Variants in PTPRD observed in about 807,000 individuals in gnomAD.
PTPRD encodes receptor-type tyrosine-protein phosphatase delta.
Under a neutral mutation model 214.5 loss-of-function variants are expected in PTPRD, and 34 were observed. The observed-to-expected ratio is 0.16, with a 90% CI of 0.12 to 0.21. The LOEUF (loss-of-function observed/expected upper bound fraction) is 0.21, where lower values mean the gene tolerates loss of function less well. Among genes scored for constraint, PTPRD ranks in the 10% least tolerant of loss-of-function variants. The pLI is 1.00. For synonymous variants in PTPRD, 1,128 were observed against 845.7 expected, an observed-to-expected ratio of 1.33 and a Z score of -5.79; for missense variants, 2,545 against 2,398.7, an observed-to-expected ratio of 1.06 and a Z score of -1.27.
chr9:8,406,235 C>T (rs1326183895), intron 35 of PTPRD, among the ~76,000 whole-genome samples: 3 of 152,006 alleles, frequency 2.0e-5, no homozygotes, highest in Admixed American at 6.6e-5. Context: ...TGCTATGAGC[C>T]GAAGGTATTG....
chr9:9,406,038 T>A (rs577751764), intron 8 of PTPRD, among the ~76,000 whole-genome samples: 1 of 152,104 alleles, frequency 6.6e-6, no homozygotes, highest in East Asian at 1.9e-4. Flanking sequence ...TAACTTTGGT[T>A]TGGAATATGA....
chr9:8,770,299 T>A (rs964315031), intron 11 of PTPRD, among the ~76,000 whole-genome samples: 3 of 148,402 alleles, frequency 2.0e-5, no homozygotes, highest in Non-Finnish European at 4.5e-5. Context: ...AATAAATAAA[T>A]AGAAAGAAAG....
rs908572969 is a variant in PTPRD at position 10,198,488 on chromosome 9, G to A, written c.-545+142475C>T. ...AGTTGTAATGATTGCCTGAAGAGGCGGGTCAAAAAAAGATTCACAGGACAT... is the reference window on the plus strand; with the variant it reads ...AGTTGTAATGATTGCCTGAAGAGGCAGGTCAAAAAAAGATTCACAGGACAT... On this transcript the variant is annotated intron_variant, in intron 3 of 45. Transcript: ENST00000381196. Among the ~76,000 whole-genome samples, 15 of 152,038 alleles carry A rather than the reference G, an allele frequency of 9.9e-5. No individual in the cohort carries two copies. The South Asian group carries it at 1.0e-3, about 10-fold the overall frequency.
chr9:9,793,507 G>C (rs1336662828), intron 5 of PTPRD, among the ~76,000 whole-genome samples: 2 of 152,084 alleles, frequency 1.3e-5, no homozygotes, highest in Non-Finnish European at 2.9e-5. Flanking sequence ...CGGACAGATA[G>C]ATATGTACGT....
intron 8 of PTPRD, among the ~76,000 whole-genome samples, chr9:9,530,566 T>C (rs2154263588): frequency 6.6e-6 from 1 of 152,260 alleles, no homozygotes; most frequent in South Asian, 2.1e-4. Flanking sequence ...TTTCAGAGAC[T>C]CTGCATCCCA....
intron 12 of PTPRD, among the ~76,000 whole-genome samples, chr9:8,663,121 T>C (rs958774787): frequency 1.3e-5 from 2 of 152,172 alleles, no homozygotes; most frequent in Non-Finnish European, 2.9e-5. Context: ...ATTGAGCTTT[T>C]GAAACTGACT....
chr9:9,948,352 T>C (rs898928113), intron 4 of PTPRD, among the ~76,000 whole-genome samples: 1 of 152,086 alleles, frequency 6.6e-6, no homozygotes, highest in African/African-American at 2.4e-5. Flanking sequence ...GGGATGTGTA[T>C]TCCTTATTGC....
chr9:8,585,313 G>C (rs1285843620), intron 14 of PTPRD, among the ~76,000 whole-genome samples: 1 of 152,130 alleles, frequency 6.6e-6, no homozygotes, highest in East Asian at 1.9e-4. Context: ...TTTATAAAAA[G>C]AACAGGAAAT....
chr9:8,542,832 AC>A (rs1158892720), intron 14 of PTPRD, among the ~76,000 whole-genome samples: 1 of 152,190 alleles, frequency 6.6e-6, no homozygotes, highest in Non-Finnish European at 1.5e-5. Context: ...CTACAGACGC[AC>A]CAGAAGTTCC....
chr9:9,021,996 A>G (rs1193541178), intron 10 of PTPRD, among the ~76,000 whole-genome samples: 1 of 151,974 alleles, frequency 6.6e-6, no homozygotes, highest in Admixed American at 6.6e-5. Context: ...AAGGGGAGGG[A>G]GAACATTAAG....
At chr9:10,488,121 A>G (rs1013773366) in intron 2 of PTPRD, among the ~76,000 whole-genome samples, 3 of 151,686 alleles carry the variant, frequency 2.0e-5, no homozygotes, top group African/African-American at 7.3e-5. Context: ...TAATCCTAGC[A>G]CTTTGGGAGC....
intron 8 of PTPRD, among the ~76,000 whole-genome samples, chr9:9,513,836 C>G (rs1022871338): frequency 6.6e-6 from 1 of 152,012 alleles, no homozygotes; most frequent in African/African-American, 2.4e-5. Flanking sequence ...AATCAAATAT[C>G]ACCTGCTGGT....
At chr9:8,764,811 A>AATG (rs1311465298) in intron 11 of PTPRD, among the ~76,000 whole-genome samples, 1 of 29,002 alleles carries the variant, frequency 3.4e-5, no homozygotes, top group Non-Finnish European at 9.3e-5. Flanking sequence ...TAATAATGAT[A>AATG]ATAATAATAA....
At chr9:10,035,192 C>T (rs2154135762) in intron 3 of PTPRD, among the ~76,000 whole-genome samples, 1 of 152,196 alleles carries the variant, frequency 6.6e-6, no homozygotes, top group East Asian at 1.9e-4. Context: ...TTGCATTTCT[C>T]TAATGATCAA....
intron 3 of PTPRD, among the ~76,000 whole-genome samples, chr9:10,302,927 G>A (rs923923613): frequency 2.6e-5 from 4 of 152,096 alleles, no homozygotes; most frequent in African/African-American, 9.7e-5. Context: ...GACATCAATA[G>A]AACTCTCCAC....
At chr9:8,608,624 C>G (rs1595145498) in intron 14 of PTPRD, among the ~76,000 whole-genome samples, 1 of 152,064 alleles carries the variant, frequency 6.6e-6, no homozygotes, top group Non-Finnish European at 1.5e-5. Flanking sequence ...TAACTGTCCA[C>G]ATATATCAAA....
At chr9:10,506,170 G>A (rs1341185222) in intron 2 of PTPRD, among the ~76,000 whole-genome samples, 2 of 151,896 alleles carry the variant, frequency 1.3e-5, no homozygotes, top group Non-Finnish European at 2.9e-5. Flanking sequence ...ATGGGTAAGG[G>A]GAAATGGATA....
chr9:8,949,220 T>A (rs2099088878), intron 11 of PTPRD, among the ~76,000 whole-genome samples: 1 of 136,204 alleles, frequency 7.3e-6, no homozygotes, highest in South Asian at 2.3e-4. Context: ...CGAGACTCCA[T>A]CTCAAAAAAA....
At chr9:10,470,903 T>C (rs2099026473) in intron 2 of PTPRD, among the ~76,000 whole-genome samples, 1 of 152,064 alleles carries the variant, frequency 6.6e-6, no homozygotes, top group Non-Finnish European at 1.5e-5. Context: ...ACCAACCAAA[T>C]GCCCATCAAT....
Sources: allele counts gnomAD v4.1 joint callset (sites outside exome capture counted in the v4.1 genomes callset), GRCh38; gene constraint gnomAD v4.1.1; transcripts MANE v1.5; gene names NCBI Gene and HGNC (gene_info 2026-07-23, HGNC 2026-07-21).